The following ADGRG7 variants were observed in gnomAD, a reference collection of about 807,000 sequenced individuals.
ADGRG7 encodes the protein adhesion G protein-coupled receptor G7.
ADGRG7 carries 82 observed loss-of-function variants against 88.6 expected under a neutral mutation model. That is an observed-to-expected ratio of 0.93 (90% CI 0.77 to 1.11). The LOEUF is 1.11. Ranked by LOEUF, ADGRG7 falls within the 50% of genes most tolerant of loss-of-function variation. ADGRG7 has a pLI of 0.00. For synonymous variants in ADGRG7, 381 were observed against 345.2 expected, an observed-to-expected ratio of 1.10 and a Z score of -1.15; for missense variants, 945 against 953.4, an observed-to-expected ratio of 0.99 and a Z score of 0.12.
Position 100,659,157 on chromosome 3 carries a change from G to C in ADGRG7, c.1824-531G>C, listed in dbSNP as rs140390938. 5.3e-3 allele frequency among the ~76,000 whole-genome samples: 812 copies of C among 152,216 alleles called. 10 individuals carry two copies. The highest frequency in any genetic ancestry group is 0.019 in the African/African-American group (773 of 41,530). Reference sequence around the variant, plus strand: ...TTTAAAAAATGCCCATCAAGGCTGGGTGCAGTGGCTCATGCCTGTAATCCC... The same window carrying C: ...TTTAAAAAATGCCCATCAAGGCTGGCTGCAGTGGCTCATGCCTGTAATCCC... On this transcript the variant is annotated intron_variant, in intron 13 of 15. Transcript: ENST00000273352.
intron 14 of ADGRG7, among the ~76,000 whole-genome samples, chr3:100,666,400 T>A (rs2094951771): frequency 6.6e-6 from 1 of 152,200 alleles, no homozygotes; most frequent in Admixed American, 6.5e-5. Flanking sequence ...GACAAACATG[T>A]GAACAAAGGT....
At chr3:100,636,256 G>A (rs2149020058) in intron 5 of ADGRG7, among the ~76,000 whole-genome samples, 1 of 152,298 alleles carries the variant, frequency 6.6e-6, no homozygotes, top group Non-Finnish European at 1.5e-5. Flanking sequence ...GGAAGTCCTG[G>A]AATGCATAAG....
Position 100,623,876 on chromosome 3 carries a change from T to G in ADGRG7, c.116-5722T>G, listed in dbSNP as rs150378081. Among the ~76,000 whole-genome samples the G allele has an allele frequency of 1.8e-3, 269 of 152,324 alleles. 2 individuals are homozygous for G. Among genetic ancestry groups the G allele is most frequent in the African/African-American group, 6.3e-3 (264 of 41,582 alleles). ...TCATCCATGTCCCTGCAATGGACAG[T>G]ATCTCATTCCTTTTTATGGCTGCAT... On this transcript the variant is annotated intron_variant, in intron 1 of 15. Transcript: ENST00000273352.
chr3:100,636,497 T>G (rs763173189), intron 5 of ADGRG7, among the ~76,000 whole-genome samples: 3 of 152,208 alleles, frequency 2.0e-5, no homozygotes, highest in Admixed American at 6.5e-5. Flanking sequence ...AACAAGTATA[T>G]TCAACATTTA....
chr3:100,669,166 A>G, intron 15 of ADGRG7, 61 bp downstream of exon 15: 1 of 1,319,586 alleles, frequency 7.6e-7, no homozygotes, highest in Non-Finnish European at 1.0e-6. Flanking sequence ...TCATCTTGAT[A>G]TCTTAGTTAC....
chr3:100,644,222 AC>A (rs1393663980), intron 8 of ADGRG7, among the ~76,000 whole-genome samples: 3 of 152,098 alleles, frequency 2.0e-5, no homozygotes, highest in Admixed American at 2.0e-4. Flanking sequence ...AGACACACTT[AC>A]TTTTCATTTC....
chr3:100,655,319 A>G (rs2094936192), intron 12 of ADGRG7, 138 bp downstream of exon 12: 1 of 629,922 alleles, frequency 1.6e-6, no homozygotes, highest in Admixed American at 3.2e-5. Context: ...TGCTAAGAAT[A>G]CGTTCCGTCT....
At chr3:100,632,845 A>T (rs1707475991) in intron 3 of ADGRG7, among the ~76,000 whole-genome samples, 1 of 152,232 alleles carries the variant, frequency 6.6e-6, no homozygotes, top group South Asian at 2.1e-4. Flanking sequence ...ACATTTATTG[A>T]GGCAACTAAA....
intron 11 of ADGRG7, among the ~76,000 whole-genome samples, chr3:100,652,381 G>A (rs2094931016): frequency 6.6e-6 from 1 of 152,168 alleles, no homozygotes; most frequent in African/African-American, 2.4e-5. Flanking sequence ...GAGTTATTAA[G>A]AATAGAGAGG....
intron 6 of ADGRG7, among the ~76,000 whole-genome samples, chr3:100,641,336 A>G (rs182775965): frequency 2.0e-5 from 3 of 152,372 alleles, no homozygotes; most frequent in Non-Finnish European, 4.4e-5. Context: ...ATGCATGGTT[A>G]TAGTAATCTG....
intron 15 of ADGRG7, among the ~76,000 whole-genome samples, chr3:100,690,541 T>A (rs1225448338): frequency 6.6e-6 from 1 of 152,092 alleles, no homozygotes; most frequent in Non-Finnish European, 1.5e-5. Context: ...TACAGGTGGG[T>A]TTTTGGTGTG....
chr3:100,627,111 C>T (rs1010614600), intron 1 of ADGRG7, among the ~76,000 whole-genome samples: 11 of 152,064 alleles, frequency 7.2e-5, no homozygotes, highest in Non-Finnish European at 1.3e-4. Flanking sequence ...CATGTTGAAT[C>T]GAAGTGGTTA....
rs138101105 is a variant in ADGRG7 at position 100,675,321 on chromosome 3, TA to T, written c.2136+6220del. On this transcript the variant is annotated intron_variant, in intron 15 of 15. Transcript: ENST00000273352. ...TACCACGAAGTGATGTTGAATTTTA[TA>T]AAATTTTTTTTAGCATCAATTGAAA... is the stretch of plus-strand genomic sequence containing the variant. 4.9e-3 allele frequency among the ~76,000 whole-genome samples: 749 copies of T among 152,324 alleles called. 6 individuals are homozygous for T. The highest frequency in any genetic ancestry group is 0.017 in the African/African-American group (715 of 41,562).
rs577188869 is a variant in ADGRG7, at chr3:100,635,413, G to A, written c.448-264G>A. On this transcript the variant is annotated intron_variant, in intron 4 of 15. Transcript: ENST00000273352. ...CACAGTGAACCAGCGCTGGCCCATGGATACACTCTAGTAGCCCCAATCTAG... is the reference window on the plus strand; with the variant it reads ...CACAGTGAACCAGCGCTGGCCCATGAATACACTCTAGTAGCCCCAATCTAG... 3.5e-4 allele frequency: 151 copies of A among 431,996 alleles called. 3 individuals are homozygous for A. The Admixed American group carries it at 6.4e-3, about 18-fold the overall frequency. The allele number at this position is 431,996 out of a possible 1,614,324, so 26.8% of individuals were successfully genotyped here.
intron 15 of ADGRG7, among the ~76,000 whole-genome samples, chr3:100,683,153 G>T (rs545354769): frequency 1.3e-5 from 2 of 152,262 alleles, no homozygotes; most frequent in South Asian, 2.1e-4. Flanking sequence ...GCTCCTTTTC[G>T]TCCTGCTCAC....
intron 15 of ADGRG7, among the ~76,000 whole-genome samples, chr3:100,681,575 T>G (rs1252521215): frequency 1.3e-5 from 2 of 152,138 alleles, no homozygotes; most frequent in Non-Finnish European, 2.9e-5. Flanking sequence ...ACTCCCAAAG[T>G]GCTGGGATTA....
At chr3:100,646,759 G>C in intron 10 of ADGRG7, 35 bp downstream of exon 10, 2 of 1,574,018 alleles carry the variant, frequency 1.3e-6, no homozygotes, top group Middle Eastern at 1.7e-4. Flanking sequence ...TTCCAGATGA[G>C]AATTTTCCTT....
chr3:100,669,125 G>C lies in ADGRG7; in HGVS notation c.2136+20G>C. ...ACACAGGTATGGTGCGGATTAGTCT[G>C]AAAGTAGCAGAACACGCAGTGGTGG... On this transcript the variant is annotated intron_variant, in intron 15 of 15. Coordinates refer to ENST00000273352, the MANE Select transcript of ADGRG7 (RefSeq NM_032787.3). 6.7e-7 allele frequency: 1 copy of C among 1,486,332 alleles called. No individual in the cohort carries two copies. Among genetic ancestry groups the C allele is most frequent in the Non-Finnish European group, 9.0e-7 (1 of 1,115,524 alleles). The allele number at this position is 1,486,332 out of a possible 1,614,324, so 92.1% of individuals were successfully genotyped here.
chr3:100,645,037 C>T (rs1044139539), intron 8 of ADGRG7, among the ~76,000 whole-genome samples: 19 of 152,228 alleles, frequency 1.2e-4, no homozygotes, highest in Non-Finnish European at 2.6e-4. Flanking sequence ...CCTTGCCTGT[C>T]TCCCTCTCAA....
Sources: gnomAD v4.1 joint callset for allele counts (sites outside exome capture counted in the v4.1 genomes callset) on GRCh38, gnomAD v4.1.1 for gene constraint, MANE v1.5 for transcripts, NCBI Gene and HGNC (gene_info 2026-07-23, HGNC 2026-07-21) for gene names.